RIMOC1: variants seen among roughly 807,000 people sequenced by gnomAD.
RIMOC1 encodes the protein RAB7A-interacting MON1-CCZ1 complex subunit 1.
the RIMOC1 span, among the ~76,000 whole-genome samples, chr5:41,905,090 A>T: frequency 6.6e-6 from 1 of 152,184 alleles, no homozygotes; most frequent in Non-Finnish European, 1.5e-5. Flanking sequence ...TTTAAGTCCA[A>T]TTCTTTTCAT....
chr5:41,913,058 C>T, the RIMOC1 span, among the ~76,000 whole-genome samples: 1 of 152,168 alleles, frequency 6.6e-6, no homozygotes, highest in Non-Finnish European at 1.5e-5. Flanking sequence ...GTGCAGCATG[C>T]ATCTCTGTTT....
At chr5:41,918,231 C>T in the RIMOC1 span, 1 of 985,884 alleles carries the variant, frequency 1.0e-6, no homozygotes, top group Non-Finnish European at 1.2e-6. Flanking sequence ...CAGCTTACTC[C>T]CGTGGCCGCA....
chr5:41,917,154 A>G, the RIMOC1 span: 1 of 1,613,870 alleles, frequency 6.2e-7, no homozygotes, highest in Non-Finnish European at 8.5e-7. Context: ...TGCACTACAT[A>G]CAAGGAACCC....
the RIMOC1 span, among the ~76,000 whole-genome samples, chr5:41,908,647 G>A: frequency 6.6e-6 from 1 of 152,070 alleles, no homozygotes; most frequent in African/African-American, 2.4e-5. Flanking sequence ...ACAGAGAACT[G>A]TTTTAAGTTT....
chr5:41,914,960 A>G, the RIMOC1 span, among the ~76,000 whole-genome samples: 4 of 152,204 alleles, frequency 2.6e-5, no homozygotes, highest in Non-Finnish European at 5.9e-5. Flanking sequence ...GAAAAGTTCT[A>G]TATGAGACAT....
the RIMOC1 span, among the ~76,000 whole-genome samples, chr5:41,910,711 A>G: frequency 7.9e-5 from 12 of 152,056 alleles, no homozygotes; most frequent in Non-Finnish European, 1.2e-4. Flanking sequence ...AATAGATATG[A>G]TCTCACTTCA....
the RIMOC1 span, chr5:41,921,063 G>C: frequency 6.6e-6 from 1 of 152,668 alleles, no homozygotes; most frequent in Middle Eastern, 3.4e-3. Context: ...ATAGGGTTTT[G>C]GGCTGCTGAG....
the RIMOC1 span, chr5:41,911,975 T>G: frequency 1.2e-6 from 1 of 813,988 alleles, no homozygotes; most frequent in South Asian, 1.4e-5. Context: ...TTAACCAATT[T>G]TCTCTTGAGT....
At chr5:41,904,690 A>G in the RIMOC1 span, among the ~76,000 whole-genome samples, 1 of 151,790 alleles carries the variant, frequency 6.6e-6, no homozygotes, top group Non-Finnish European at 1.5e-5. Flanking sequence ...ATTATTCAGA[A>G]CCCATGGAAA....
At chr5:41,920,619 G>C in the RIMOC1 span, 1 of 152,180 alleles carries the variant, frequency 6.6e-6, no homozygotes, top group Non-Finnish European at 1.5e-5. Flanking sequence ...TAGTGTGATA[G>C]GGAGAGGGGT....
chr5:41,905,995 A>G, the RIMOC1 span, among the ~76,000 whole-genome samples: 1 of 152,198 alleles, frequency 6.6e-6, no homozygotes, highest in East Asian at 1.9e-4. Flanking sequence ...TTAAAACAAG[A>G]TTTCATGTAC....
the RIMOC1 span, chr5:41,911,924 T>C: frequency 4.7e-6 from 3 of 639,812 alleles, no homozygotes; most frequent in Non-Finnish European, 8.3e-6. Context: ...GGTGGGTCTT[T>C]ATACCATTGA....
chr5:41,904,401 G>A, the RIMOC1 span: 3 of 1,614,096 alleles, frequency 1.9e-6, no homozygotes, highest in Non-Finnish European at 2.5e-6. Context: ...GGTGAGACGA[G>A]TGGAAGAGCT....
chr5:41,918,961 A>C, the RIMOC1 span: 1 of 155,864 alleles, frequency 6.4e-6, no homozygotes. Flanking sequence ...CTTTCTGCCT[A>C]CCTTTTAGGT....
chr5:41,909,050 A>G, the RIMOC1 span, among the ~76,000 whole-genome samples: 1 of 152,184 alleles, frequency 6.6e-6, no homozygotes, highest in Non-Finnish European at 1.5e-5. Flanking sequence ...AGTCCAATTT[A>G]TCATTTAGCC....
the RIMOC1 span, among the ~76,000 whole-genome samples, chr5:41,910,241 C>T: frequency 4.6e-5 from 7 of 151,956 alleles, no homozygotes; most frequent in East Asian, 5.8e-4. Context: ...CTTATTCTCT[C>T]GAACATTTGC....
At chr5:41,915,336 A>G in the RIMOC1 span, among the ~76,000 whole-genome samples, 1 of 152,162 alleles carries the variant, frequency 6.6e-6, no homozygotes, top group East Asian at 1.9e-4. Context: ...TACAAATCAG[A>G]GCTGGTATCA....
the RIMOC1 span, among the ~76,000 whole-genome samples, chr5:41,914,194 A>C: frequency 3.3e-5 from 5 of 152,088 alleles, no homozygotes; most frequent in African/African-American, 1.2e-4. Flanking sequence ...TCTTTGTCAT[A>C]CTTTGAATTT....
At chr5:41,904,842 A>G in the RIMOC1 span, among the ~76,000 whole-genome samples, 1 of 152,234 alleles carries the variant, frequency 6.6e-6, no homozygotes, top group Non-Finnish European at 1.5e-5. Context: ...GCATCCTGTA[A>G]AGATAAAAAG....
Sources: gnomAD v4.1 joint callset for allele counts (sites outside exome capture counted in the v4.1 genomes callset) on GRCh38, gnomAD v4.1.1 for gene constraint, MANE v1.5 for transcripts, NCBI Gene and HGNC (gene_info 2026-07-23, HGNC 2026-07-21) for gene names.